The following NEDD9 variants were observed in gnomAD, a reference collection of about 807,000 sequenced individuals.
NEDD9 encodes the protein neural precursor cell expressed, developmentally down-regulated 9.
A neutral mutation model predicts 76.6 loss-of-function variants in NEDD9; 26 were observed. The ratio of observed to expected loss-of-function variants is 0.34; its 90% CI spans 0.25 to 0.47. The LOEUF is 0.47. Among genes scored for constraint, NEDD9 ranks in the 20% least tolerant of loss-of-function variants. The pLI is 1.00. For synonymous variants in NEDD9, 392 were observed against 414.2 expected, an observed-to-expected ratio of 0.95 and a Z score of 0.65; for missense variants, 937 against 1,058.5, an observed-to-expected ratio of 0.89 and a Z score of 1.59.
At chr6:11,322,559 T>A (rs955770356) in intron 2 of NEDD9, among the ~76,000 whole-genome samples, 2 of 152,112 alleles carry the variant, frequency 1.3e-5, no homozygotes, top group African/African-American at 4.8e-5. Context: ...GGAAACCAGC[T>A]CCTCTCAACC....
intron 3 of NEDD9, among the ~76,000 whole-genome samples, chr6:11,239,677 C>T (rs1274159807): frequency 6.6e-6 from 1 of 152,136 alleles, no homozygotes; most frequent in Non-Finnish European, 1.5e-5. Flanking sequence ...CCCGACCTTA[C>T]CCCGAACTAC....
At chr6:11,194,883 G>A (rs1357730952) in intron 2 of NEDD9, among the ~76,000 whole-genome samples, 5 of 152,138 alleles carry the variant, frequency 3.3e-5, no homozygotes, top group African/African-American at 4.8e-5. Flanking sequence ...ATATGTAATC[G>A]TCCAAGGGCT....
chr6:11,344,231 T>C (rs555025220), intron 1 of NEDD9, among the ~76,000 whole-genome samples: 1 of 152,328 alleles, frequency 6.6e-6, no homozygotes, highest in African/African-American at 2.4e-5. Context: ...CTAACATGAA[T>C]GTGAGCGCAA....
upstream of NEDD9, among the ~76,000 whole-genome samples, chr6:11,233,781 T>C (rs115424165): frequency 0.011 from 1,708 of 152,324 alleles, 14 homozygotes; most frequent in Non-Finnish European, 0.017. Context: ...AAATTCCTTT[T>C]TCCCGGGCAA....
intron 1 of NEDD9, among the ~76,000 whole-genome samples, chr6:11,362,267 T>C (rs143891660): frequency 1.8e-3 from 271 of 152,352 alleles, no homozygotes; most frequent in African/African-American, 6.2e-3. Flanking sequence ...TATTTCAGAA[T>C]GTTAGTCTCC....
chr6:11,292,580 C>A (rs983047205), intron 3 of NEDD9, among the ~76,000 whole-genome samples: 2 of 152,238 alleles, frequency 1.3e-5, no homozygotes, highest in Non-Finnish European at 2.9e-5. Flanking sequence ...AGGGGATCTG[C>A]ATCCTCCAGT....
chr6:11,319,434 TCACA>T (rs1479990364), intron 2 of NEDD9, among the ~76,000 whole-genome samples: 1 of 148,310 alleles, frequency 6.7e-6, no homozygotes, highest in Non-Finnish European at 1.5e-5. Flanking sequence ...ACATGCACAC[TCACA>T]CACTAACATG....
chr6:11,302,242 A>G (rs1007236036), intron 3 of NEDD9, among the ~76,000 whole-genome samples: 1 of 152,242 alleles, frequency 6.6e-6, no homozygotes, highest in Non-Finnish European at 1.5e-5. Flanking sequence ...AAACACCTCT[A>G]TGCAAATAAA....
intron 3 of NEDD9, among the ~76,000 whole-genome samples, chr6:11,264,373 A>C (rs564345401): frequency 1.3e-5 from 2 of 152,248 alleles, no homozygotes; most frequent in South Asian, 4.1e-4. Context: ...CTCATAGGTC[A>C]CTGCTTGGGG....
intron 3 of NEDD9, among the ~76,000 whole-genome samples, chr6:11,258,179 T>C (rs938027427): frequency 1.3e-5 from 2 of 152,026 alleles, no homozygotes; most frequent in African/African-American, 4.8e-5. Flanking sequence ...TACTTAAGAG[T>C]TGATTTCCCA....
At position 11,220,643 on chromosome 6, in the gene NEDD9, A is replaced by G. The variant is rs567513149; in HGVS notation, c.13-6916T>C. 3.9e-5 allele frequency among the ~76,000 whole-genome samples: 6 copies of G among 152,328 alleles called. No homozygotes were observed. In the East Asian group the frequency reaches 1.2e-3, roughly 29 times the overall value. ...ACCCAGCACTATTTTGGTGGCTCAT[A>G]TACCAAAGTGAAGTTACTTTTTGAG... On this transcript the variant is annotated intron_variant, in intron 1 of 6. Transcript: ENST00000379446.
intron 2 of NEDD9, among the ~76,000 whole-genome samples, chr6:11,208,053 C>G (rs186247945): frequency 6.6e-6 from 1 of 152,064 alleles, no homozygotes; most frequent in Non-Finnish European, 1.5e-5. Flanking sequence ...TAGCGCATGC[C>G]TATAGTCCCA....
intron 2 of NEDD9, among the ~76,000 whole-genome samples, chr6:11,195,662 G>C (rs1758274191): frequency 6.6e-6 from 1 of 152,210 alleles, no homozygotes; most frequent in African/African-American, 2.4e-5. Context: ...GAAAACCAAG[G>C]CTAAGTCCAG....
chr6:11,233,669 T>C (rs751769586), upstream of NEDD9, among the ~76,000 whole-genome samples: 4 of 152,212 alleles, frequency 2.6e-5, no homozygotes, highest in African/African-American at 4.8e-5. Flanking sequence ...ATAATTTCTA[T>C]AAAGGTTCCA....
chr6:11,215,696 C>T (rs940883510), intron 1 of NEDD9, among the ~76,000 whole-genome samples: 1 of 152,188 alleles, frequency 6.6e-6, no homozygotes, highest in African/African-American at 2.4e-5. Flanking sequence ...TCCCTTTCTT[C>T]TGGGCCCATT....
At chr6:11,321,049 CAGAG>C (rs770960027) in intron 2 of NEDD9, among the ~76,000 whole-genome samples, 1 of 141,798 alleles carries the variant, frequency 7.1e-6, no homozygotes, top group African/African-American at 2.6e-5. Flanking sequence ...TTAACCATGA[CAGAG>C]AGAGAGAGAA....
At chr6:11,342,654 A>G (rs970155329) in intron 1 of NEDD9, among the ~76,000 whole-genome samples, 2 of 152,220 alleles carry the variant, frequency 1.3e-5, no homozygotes, top group African/African-American at 4.8e-5. Context: ...GCAGATCTGA[A>G]CTACAGGCAA....
intron 1 of NEDD9, among the ~76,000 whole-genome samples, chr6:11,373,163 A>C (rs1306287048): frequency 6.6e-6 from 1 of 152,130 alleles, no homozygotes; most frequent in Non-Finnish European, 1.5e-5. Flanking sequence ...TAAAAAAAAA[A>C]AACTCATGAA....
intron 2 of NEDD9, among the ~76,000 whole-genome samples, chr6:11,332,033 T>C (rs1342038694): frequency 2.0e-5 from 3 of 152,246 alleles, no homozygotes; most frequent in Non-Finnish European, 2.9e-5. Context: ...TGGCCCAAGT[T>C]TGAACCAGAA....
Sources: allele counts gnomAD v4.1 joint callset (sites outside exome capture counted in the v4.1 genomes callset), GRCh38; gene constraint gnomAD v4.1.1; transcripts MANE v1.5; gene names NCBI Gene and HGNC (gene_info 2026-07-23, HGNC 2026-07-21).